Variants in RAPGEF5 observed in about 807,000 individuals in gnomAD.
RAPGEF5 encodes the protein Rap guanine nucleotide exchange factor 5.
RAPGEF5 carries 65 observed loss-of-function variants against 125.2 expected under a neutral mutation model. That is an observed-to-expected ratio of 0.52 (90% CI 0.43 to 0.64). The LOEUF (loss-of-function observed/expected upper bound fraction) is 0.64, where lower values mean the gene tolerates loss of function less well. RAPGEF5 is among the 30% of genes least tolerant of loss of function. The probability of loss-of-function intolerance (pLI) is 0.00; values close to 1 mark genes in which losing one functional copy is unlikely to be tolerated. For synonymous variants in RAPGEF5, 391 were observed against 385.9 expected (o/e 1.01, Z -0.16); for missense variants, 958 against 1,048.1 (o/e 0.91, Z 1.19).
intron 1 of RAPGEF5, among the ~76,000 whole-genome samples, chr7:22,346,339 T>C (rs969329185): frequency 2.0e-5 from 3 of 152,186 alleles, no homozygotes; most frequent in African/African-American, 7.2e-5. Context: ...ACAGGCATCA[T>C]ACTTCCCCTA....
intron 18 of RAPGEF5, 121 bp from the exon 19 acceptor site, chr7:22,147,140 A>C: frequency 7.8e-7 from 1 of 1,283,350 alleles, no homozygotes; most frequent in Non-Finnish European, 1.1e-6. Flanking sequence ...AGTGCACTTA[A>C]TATTTTCCCT....
chr7:22,315,438 C>T lies in RAPGEF5; in HGVS notation c.321G>A (p.Leu107=). Residue 107 remains leucine, a synonymous_variant, in exon 3 of 26, where the codon TTG becomes TTA. Transcript: ENST00000665637. ...CTGCTTGAACGATAATAATATTCCT[C>T]AATGCTCTTCCTGCACAAGAAGAAT... The part of the protein sequence containing the change: ...GENSSCAGRA[L]RNIIIVQAAD... The T allele has an allele frequency of 6.6e-7, 1 of 1,525,942 alleles. No homozygotes were observed. Among genetic ancestry groups the T allele is most frequent in the African/African-American group, 1.4e-5 (1 of 71,484 alleles). The allele number at this position is 1,525,942 out of a possible 1,614,324, so 94.5% of individuals were successfully genotyped here.
At chr7:22,195,522 A>G (rs1785127591) in intron 9 of RAPGEF5, among the ~76,000 whole-genome samples, 1 of 152,202 alleles carries the variant, frequency 6.6e-6, no homozygotes, top group Non-Finnish European at 1.5e-5. Context: ...ACATTTCAGC[A>G]AGGTCAGACG....
intron 8 of RAPGEF5, among the ~76,000 whole-genome samples, chr7:22,221,698 C>G (rs768410542): frequency 1.9e-4 from 29 of 152,124 alleles, no homozygotes; most frequent in Non-Finnish European, 3.4e-4. Context: ...GTAAGACATG[C>G]CTTTGCTCTT....
intron 20 of RAPGEF5, 149 bp downstream of exon 20, chr7:22,144,894 CA>C (rs2128105266): frequency 1.1e-6 from 1 of 895,516 alleles, no homozygotes; most frequent in East Asian, 2.8e-5. Flanking sequence ...CATAAATATT[CA>C]AAATTGGACA....
intron 6 of RAPGEF5, among the ~76,000 whole-genome samples, chr7:22,287,293 C>T (rs1782820435): frequency 6.6e-6 from 1 of 152,194 alleles, no homozygotes; most frequent in African/African-American, 2.4e-5. Context: ...ATTATAAAGA[C>T]ATTCTTATTT....
In RAPGEF5 at chr7:22,119,744, CAAT is replaced by C. The variant is rs1384737967; in HGVS notation, c.*2659_*2661del. On this transcript the variant is annotated 3_prime_UTR_variant, in exon 26 of 26. Transcript: ENST00000665637. The surrounding 1 kb of genome is among the most constrained non-coding windows in gnomAD (Gnocchi z 4.1). ...TTGCAGAGTGAGCGAAGATTTTATG[CAAT>C]AATAAAACTCCAAATGAGAGCTGGC... The C allele has an allele frequency of 6.6e-6, 1 of 152,168 alleles. No individual in the cohort carries two copies. Among genetic ancestry groups the C allele is most frequent in the Non-Finnish European group, 1.5e-5 (1 of 68,040 alleles). The allele number at this position is 152,168 out of a possible 1,614,324, so 9.4% of individuals were successfully genotyped here.
At chr7:22,239,909 G>A in intron 7 of RAPGEF5, among the ~76,000 whole-genome samples, 1 of 152,044 alleles carries the variant, frequency 6.6e-6, no homozygotes, top group Non-Finnish European at 1.5e-5. Context: ...AAATGTACTG[G>A]AAAAAAGGTT....
rs1782499322 is a variant in RAPGEF5 at position 22,119,150 on chromosome 7, A to G, written c.*3256T>C. On this transcript the variant is annotated 3_prime_UTR_variant, in exon 26 of 26. Transcript: ENST00000665637. The surrounding 1 kb of genome is among the most constrained non-coding windows in gnomAD (Gnocchi z 4.1). Reference sequence around the variant, plus strand: ...AGACTCGCAGGGCTGGGATATGGGTAGCAGTGAAAGCCCAGCTCCAGGGAT... The same window carrying G: ...AGACTCGCAGGGCTGGGATATGGGTGGCAGTGAAAGCCCAGCTCCAGGGAT... 6.6e-6 allele frequency: 1 copy of G among 152,174 alleles called. No individual in the cohort carries two copies. The highest frequency in any genetic ancestry group is 1.5e-5 in the Non-Finnish European group (1 of 68,030). 9.4% of individuals were successfully genotyped at this position (152,174 alleles called of 1,614,324 possible). A position where few individuals can be genotyped will look rare whatever the true frequency, so the allele number is the denominator to read the frequency against.
intron 1 of RAPGEF5, among the ~76,000 whole-genome samples, chr7:22,327,254 A>G (rs1019838337): frequency 2.0e-5 from 3 of 152,234 alleles, no homozygotes; most frequent in Non-Finnish European, 4.4e-5. Flanking sequence ...AAATTTTCAT[A>G]TAGATTGTAA....
intron 5 of RAPGEF5, among the ~76,000 whole-genome samples, chr7:22,295,679 A>G (rs1034610557): frequency 2.0e-5 from 3 of 152,210 alleles, no homozygotes; most frequent in Admixed American, 6.5e-5. Context: ...AAAACAGTTT[A>G]AAGTAATAAG....
chr7:22,140,670 T>G (rs1783229669), intron 20 of RAPGEF5, among the ~76,000 whole-genome samples: 2 of 152,176 alleles, frequency 1.3e-5, no homozygotes, highest in African/African-American at 4.8e-5. Flanking sequence ...AACAAGGAAA[T>G]GAAATGCAAA....
At chr7:22,164,847 C>A (rs1784113765) in intron 12 of RAPGEF5, among the ~76,000 whole-genome samples, 1 of 152,090 alleles carries the variant, frequency 6.6e-6, no homozygotes, top group South Asian at 2.1e-4. Flanking sequence ...CTATTAAATA[C>A]TATTACAATA....
At chr7:22,158,780 C>G (rs1783893710) in intron 14 of RAPGEF5, among the ~76,000 whole-genome samples, 1 of 152,002 alleles carries the variant, frequency 6.6e-6, no homozygotes, top group Non-Finnish European at 1.5e-5. Flanking sequence ...CATGTGACAC[C>G]ACGCCCAGCT....
At chr7:22,260,645 C>T (rs139782589) in intron 7 of RAPGEF5, among the ~76,000 whole-genome samples, 6 of 151,638 alleles carry the variant, frequency 4.0e-5, no homozygotes, top group African/African-American at 1.5e-4. Context: ...GGGAAAGATA[C>T]CCTATATTCA....
Position 22,146,926 on chromosome 7 carries a change from C to A in RAPGEF5, c.1978G>T (p.Asp660Tyr). The change falls in exon 19 of 26, where the codon GAT becomes TAT. Residue 660 changes from aspartate (D) to tyrosine (Y), a missense_variant. Coordinates refer to ENST00000665637, the MANE Select transcript of RAPGEF5 (RefSeq NM_012294.5). ...WDLALELMNF[D>Y]WSLFNSIHEQ... Reference sequence around the variant, plus strand: ...TGAATTGAATTGAATAGACTCCAATCAAAATTCATTAATTCCAGAGCAAGA... The same window carrying A: ...TGAATTGAATTGAATAGACTCCAATAAAAATTCATTAATTCCAGAGCAAGA... The A allele has an allele frequency of 6.2e-7, 1 of 1,613,604 alleles. No individual in the cohort carries two copies. Among genetic ancestry groups the A allele is most frequent in the Non-Finnish European group, 8.5e-7 (1 of 1,179,722 alleles).
rs563870158 is a variant in RAPGEF5, at chr7:22,327,408, T to C, written c.232-9371A>G. ...AGGATCTATATTGTGCTCATACTTA[T>C]AAATGTCCAGTGTCCAACATGATGC... is the stretch of plus-strand genomic sequence containing the variant. On this transcript the variant is annotated intron_variant, in intron 1 of 25. Coordinates refer to ENST00000665637, the MANE Select transcript of RAPGEF5 (RefSeq NM_012294.5). Among the ~76,000 whole-genome samples, 9 of 152,374 alleles carry C rather than the reference T, an allele frequency of 5.9e-5. No individual in the cohort carries two copies. In the South Asian group the frequency reaches 1.7e-3, roughly 28 times the overall value.
intron 7 of RAPGEF5, among the ~76,000 whole-genome samples, chr7:22,259,772 G>A (rs953112579): frequency 6.6e-6 from 1 of 152,226 alleles, no homozygotes; most frequent in African/African-American, 2.4e-5. Context: ...ATGACATTAT[G>A]GAAAAGACAA....
At chr7:22,150,583 A>T in intron 17 of RAPGEF5, 79 bp from the exon 18 acceptor site, 1 of 1,489,374 alleles carries the variant, frequency 6.7e-7, no homozygotes, top group Non-Finnish European at 8.9e-7. Context: ...CAGTACACTT[A>T]AAAAGTGAAA....
Sources: gnomAD v4.1 joint callset for allele counts (sites outside exome capture counted in the v4.1 genomes callset) on GRCh38, gnomAD v4.1.1 for gene constraint, Gnocchi (gnomAD v3.1) non-coding constraint, MANE v1.5 for transcripts, NCBI Gene and HGNC (gene_info 2026-07-23, HGNC 2026-07-21) for gene names.